The following PFKP variants were observed in gnomAD, a reference collection of about 807,000 sequenced individuals.
PFKP encodes ATP-dependent 6-phosphofructokinase, platelet type.
PFKP carries 101 observed loss-of-function variants against 94.3 expected under a neutral mutation model. That is an observed-to-expected ratio of 1.07 (90% CI 0.91 to 1.26). The LOEUF is 1.26. Among genes scored for constraint, PFKP ranks in the 50% most tolerant of loss-of-function variants. The pLI, the probability that PFKP is intolerant of heterozygous loss-of-function variation, is 0.00. For missense variants in PFKP, 1,145 were observed against 1,103.3 expected, an observed-to-expected ratio of 1.04 and a Z score of -0.53; for synonymous variants, 573 against 432.6, an observed-to-expected ratio of 1.32 and a Z score of -4.03.
intron 8 of PFKP, 38 bp from the exon 9 acceptor site, chr10:3,108,663 A>G (rs777383174): frequency 1.6e-5 from 24 of 1,520,526 alleles, no homozygotes; most frequent in East Asian, 1.4e-4. Context: ...CTGTGTCCGC[A>G]TCACAGTTCC....
In PFKP at chr10:3,127,300, C is replaced by T. The variant is rs555119891; in HGVS notation, c.1684-2519C>T. The stretch of plus-strand genomic sequence containing the variant: ...GCTCAGGTGTCAGGGCTGCGCTGTT[C>T]CACAGCCCCCTGGGGCAGCCTGGCG... On this transcript the variant is annotated intron_variant, in intron 16 of 21. Transcript: ENST00000381125. Among the ~76,000 whole-genome samples the T allele has an allele frequency of 2.0e-5, 3 of 152,380 alleles. No homozygotes were observed. In the East Asian group the frequency reaches 5.8e-4, roughly 29 times the overall value.
intron 16 of PFKP, among the ~76,000 whole-genome samples, chr10:3,128,172 G>C (rs11251736): frequency 0.36 from 54,816 of 151,970 alleles, 10,785 homozygotes; most frequent in Non-Finnish European, 0.46. Flanking sequence ...CGCCTGCTGT[G>C]GGGGCTCGGC....
At chr10:3,100,947 A>G in intron 3 of PFKP, 4 of 1,609,622 alleles carry the variant, frequency 2.5e-6, no homozygotes, top group Non-Finnish European at 3.4e-6. Context: ...CTGGAGGGAG[A>G]AGCCTGGCTG....
chr10:3,093,078 C>T (rs114211064), intron 2 of PFKP, among the ~76,000 whole-genome samples: 2,741 of 150,732 alleles, frequency 0.018, 77 homozygotes, highest in African/African-American at 0.065. Context: ...GGGGTGACCA[C>T]GGAAGCCTGA....
At chr10:3,079,615 A>G (rs61835116) in intron 1 of PFKP, among the ~76,000 whole-genome samples, 2,503 of 129,402 alleles carry the variant, frequency 0.019, 34 homozygotes, top group Non-Finnish European at 0.029. Context: ...GTTCTTCATC[A>G]TTCCTTTATG....
chr10:3,079,477 G>A (rs1185247149), intron 1 of PFKP, among the ~76,000 whole-genome samples: 4 of 151,988 alleles, frequency 2.6e-5, no homozygotes, highest in Non-Finnish European at 4.4e-5. Flanking sequence ...CTCGTGATCT[G>A]CCCACCTAGG....
At chr10:3,098,529 G>T (rs1377160828) in intron 2 of PFKP, among the ~76,000 whole-genome samples, 1 of 151,908 alleles carries the variant, frequency 6.6e-6, no homozygotes, top group African/African-American at 2.4e-5. Flanking sequence ...ACAAAAATTA[G>T]CCAGGTGCAG....
intron 2 of PFKP, among the ~76,000 whole-genome samples, chr10:3,097,296 G>A (rs546413631): frequency 2.8e-4 from 42 of 152,040 alleles, no homozygotes; most frequent in African/African-American, 9.9e-4. Context: ...CAGAGCATCC[G>A]CAGCAGGACA....
At chr10:3,073,593 C>T (rs1400631941) in intron 1 of PFKP, among the ~76,000 whole-genome samples, 1 of 151,908 alleles carries the variant, frequency 6.6e-6, no homozygotes, top group African/African-American at 2.4e-5. Context: ...ATGTGAGATG[C>T]TCCCAGGAGT....
chr10:3,092,292 A>T (rs955307915), intron 2 of PFKP, among the ~76,000 whole-genome samples: 1 of 152,174 alleles, frequency 6.6e-6, no homozygotes, highest in Non-Finnish European at 1.5e-5. Flanking sequence ...CCATTAACTT[A>T]TCAATGAATT....
intron 1 of PFKP, among the ~76,000 whole-genome samples, chr10:3,080,539 A>AG (rs1554758778): frequency 1.8e-5 from 2 of 113,662 alleles, no homozygotes; most frequent in African/African-American, 2.8e-5. Context: ...AAAAAAAAAA[A>AG]AGAGAATATT....
At chr10:3,093,923 G>A (rs566751563) in intron 2 of PFKP, among the ~76,000 whole-genome samples, 5 of 152,272 alleles carry the variant, frequency 3.3e-5, no homozygotes, top group South Asian at 2.1e-4. Context: ...GATTACAGGC[G>A]TGAGCCACCG....
intron 10 of PFKP, among the ~76,000 whole-genome samples, chr10:3,110,187 G>C (rs1588494215): frequency 6.6e-6 from 1 of 151,780 alleles, no homozygotes; most frequent in Non-Finnish European, 1.5e-5. Flanking sequence ...AGCTGCATTT[G>C]AAGTTATTTA....
chr10:3,133,270 G>A lies in PFKP; in HGVS notation c.1978G>A (p.Gly660Ser), dbSNP rs754267187. 5 of 1,614,168 alleles carry A rather than the reference G, an allele frequency of 3.1e-6. No homozygotes were observed. The highest frequency in any genetic ancestry group is 3.4e-6 in the Non-Finnish European group (4 of 1,179,984). ...CCAGCTGTATTCAGAAGAGGGCAAA[G>A]GCGTGTTTGACTGCAGGAAGAACGT... ...IYQLYSEEGK[G>S]VFDCRKNVLG... Residue 660 changes from glycine to serine, a missense_variant, in exon 19 of 22, where the codon GGC becomes AGC. Transcript: ENST00000381125.
chr10:3,069,861 A>C (rs1484291894), intron 1 of PFKP, among the ~76,000 whole-genome samples: 4 of 152,276 alleles, frequency 2.6e-5, no homozygotes, highest in African/African-American at 4.8e-5. Context: ...ATACATTGGC[A>C]GAATCGCGGT....
chr10:3,102,536 C>T (rs1588467939), intron 4 of PFKP, among the ~76,000 whole-genome samples: 2 of 152,164 alleles, frequency 1.3e-5, no homozygotes, highest in South Asian at 4.2e-4. Flanking sequence ...GCCTCAGCCT[C>T]CCAAGCAGCT....
In PFKP at chr10:3,134,507, A is replaced by G. The variant is rs763344680; in HGVS notation, c.2047A>G (p.Arg683Gly). 2 of 1,613,556 alleles carry G rather than the reference A, an allele frequency of 1.2e-6. No individual in the cohort carries two copies. The highest frequency in any genetic ancestry group is 2.7e-5 in the African/African-American group (2 of 75,054). ...GGGTGGGGCACCCTCTCCATTTGAT[A>G]GAAACTTTGGAACCAAAATCTCTGC... ...QQGGAPSPFD[R>G]NFGTKISARA... Residue 683 changes from arginine to glycine, a missense_variant, in exon 20 of 22, where the codon AGA (arginine) becomes GGA (glycine). Physicochemically the swap from Arg to Gly is moderately radical, Grantham distance 125. Around this residue, in one of 3 missense-constraint regions of PFKP, gnomAD observed 1,119 missense variants for 1,062.8 expected, o/e 1.05. Coordinates refer to ENST00000381125, the MANE Select transcript of PFKP (RefSeq NM_002627.5).
chr10:3,100,043 T>G (rs907551034), intron 3 of PFKP, among the ~76,000 whole-genome samples: 1 of 140,736 alleles, frequency 7.1e-6, no homozygotes, highest in African/African-American at 3.0e-5. Context: ...TGTCCTTGTA[T>G]GTGTAGGTGT....
intron 16 of PFKP, among the ~76,000 whole-genome samples, chr10:3,121,889 G>A (rs941564602): frequency 8.6e-5 from 11 of 127,324 alleles, no homozygotes; most frequent in Admixed American, 6.2e-4. Flanking sequence ...TGCTGCAATC[G>A]CTATTCACTG....
Sources: allele counts gnomAD v4.1 joint callset (sites outside exome capture counted in the v4.1 genomes callset), GRCh38; gene constraint gnomAD v4.1.1; regional missense constraint gnomAD v4.1.1; transcripts MANE v1.5; gene names NCBI Gene and HGNC (gene_info 2026-07-23, HGNC 2026-07-21).